The following IFIH1 variants were observed in gnomAD, a reference collection of about 807,000 sequenced individuals.
IFIH1 encodes the protein interferon induced with helicase C domain 1, also known as interferon-induced helicase C domain-containing protein 1.
Under a neutral mutation model 107.4 loss-of-function variants are expected in IFIH1, and 125 were observed. The ratio of observed to expected loss-of-function variants is 1.16; its 90% CI spans 1.01 to 1.35. IFIH1 has a LOEUF of 1.35. Ranked by LOEUF, IFIH1 falls within the 40% of genes most tolerant of loss-of-function variation. The pLI is 0.00. For missense variants in IFIH1, 1,333 were observed against 1,213.7 expected (o/e 1.10, Z -1.46); for synonymous variants, 458 against 413.2 (o/e 1.11, Z -1.31).
intron 11 of IFIH1, among the ~76,000 whole-genome samples, chr2:162,276,090 T>C (rs1450229688): frequency 6.6e-6 from 1 of 152,202 alleles, no homozygotes; most frequent in Non-Finnish European, 1.5e-5. Flanking sequence ...ATGTCACTTA[T>C]TTTTGCAAGG....
At chr2:162,287,734 T>C (rs1222582466) in intron 5 of IFIH1, among the ~76,000 whole-genome samples, 1 of 151,948 alleles carries the variant, frequency 6.6e-6, no homozygotes, top group Non-Finnish European at 1.5e-5. Context: ...AAACAATATT[T>C]GATCCTTGAT....
In IFIH1 at chr2:162,318,264, A is replaced by T; in HGVS notation, c.44T>A (p.Ile15Asn). Residue 15 changes from isoleucine to asparagine, a missense_variant, in exon 1 of 16, where the codon ATC (isoleucine) becomes AAC (asparagine). Ile to Asn is a moderately radical substitution (Grantham distance 149). Transcript: ENST00000649979. Reference protein sequence around the residue: ...YSTDENFRYLISCFRARVKMY... With the variant: ...YSTDENFRYLNSCFRARVKMY... The stretch of plus-strand genomic sequence containing the variant: ...TTTCACCCTGGCCCTGAAGCACGAG[A>T]TGAGATAGCGGAAATTCTCGTCTGT... 6.2e-7 allele frequency: 1 copy of T among 1,614,026 alleles called. No individual in the cohort carries two copies. The highest frequency in any genetic ancestry group is 8.5e-7 in the Non-Finnish European group (1 of 1,179,968).
chr2:162,309,173 TGTTTG>T lies in IFIH1; in HGVS notation c.622+1587_622+1591del, dbSNP rs1222676387. 4.6e-5 allele frequency among the ~76,000 whole-genome samples: 7 copies of T among 152,318 alleles called. No individual in the cohort carries two copies. In the South Asian group the frequency reaches 1.5e-3, roughly 32 times the overall value. ...GGCTTATAAGGCTTGAGAATAGCTC[TGTTTG>T]GTTTGATGCTCTGCCTTCCAGGTCC... On this transcript the variant is annotated intron_variant, in intron 2 of 15. Transcript: ENST00000649979.
intron 3 of IFIH1, among the ~76,000 whole-genome samples, chr2:162,300,596 C>T (rs1332418009): frequency 6.6e-6 from 1 of 152,176 alleles, no homozygotes; most frequent in East Asian, 1.9e-4. Flanking sequence ...ATCAGCATCT[C>T]TCTCTTTCTC....
chr2:162,313,670 G>A (rs1683421349), intron 1 of IFIH1, among the ~76,000 whole-genome samples: 1 of 152,054 alleles, frequency 6.6e-6, no homozygotes, highest in Non-Finnish European at 1.5e-5. Context: ...TTTTAACCCA[G>A]CAGAGTTCAA....
chr2:162,317,413 T>C (rs1162512542), intron 1 of IFIH1, among the ~76,000 whole-genome samples: 1 of 152,174 alleles, frequency 6.6e-6, no homozygotes, highest in Non-Finnish European at 1.5e-5. Flanking sequence ...TTCAACACTA[T>C]CACAAGCTAA....
At chr2:162,295,287 T>C (rs1683066570) in intron 3 of IFIH1, among the ~76,000 whole-genome samples, 1 of 151,634 alleles carries the variant, frequency 6.6e-6, no homozygotes, top group African/African-American at 2.4e-5. Flanking sequence ...GTCATATGAA[T>C]GGATTCATGC....
rs748895438 is a variant in IFIH1 at position 162,268,135 on chromosome 2, A to T, written c.2759T>A (p.Ile920Asn). 1.9e-6 allele frequency: 3 copies of T among 1,611,488 alleles called. No individual in the cohort carries two copies. In the Admixed American group the frequency reaches 5.0e-5, roughly 27 times the overall value. The change falls in exon 14 of 16, where the codon ATC becomes AAC. Residue 920 changes from isoleucine to asparagine, a missense_variant. Physicochemically the swap from Ile to Asn is moderately radical, Grantham distance 149 (BLOSUM62 -3). Transcript: ENST00000649979. The part of the protein sequence containing the change: ...CSVLACSGED[I>N]HVIEKMHHVN... Reference sequence around the variant, plus strand: ...GTGATGCATTTTCTCAATTACATGGATATCTTCCCCAGAACAGGCTAGCAC... The same window carrying T: ...GTGATGCATTTTCTCAATTACATGGTTATCTTCCCCAGAACAGGCTAGCAC...
chr2:162,284,994 T>C (rs726323), intron 5 of IFIH1, among the ~76,000 whole-genome samples: 5,205 of 152,094 alleles, frequency 0.034, 438 homozygotes, highest in Admixed American at 0.21. Context: ...AGATAGCAGA[T>C]GCTGGAAATC....
chr2:162,272,465 T>C (rs1479526294), intron 12 of IFIH1, 78 bp from the exon 13 acceptor site: 4 of 1,244,020 alleles, frequency 3.2e-6, no homozygotes, highest in Admixed American at 4.3e-5. Flanking sequence ...GGGAATGATA[T>C]TCTTGCTCAG....
At chr2:162,310,687 A>G in intron 2 of IFIH1, 78 bp downstream of exon 2, 1 of 1,208,602 alleles carries the variant, frequency 8.3e-7, no homozygotes, top group Non-Finnish European at 1.2e-6. Context: ...GGTGTTTAGC[A>G]TTGTGTCTTT....
At chr2:162,305,780 T>C (rs1683270955) in intron 3 of IFIH1, among the ~76,000 whole-genome samples, 2 of 152,206 alleles carry the variant, frequency 1.3e-5, no homozygotes, top group South Asian at 4.1e-4. Flanking sequence ...GTTGTAAGTA[T>C]TTAAAACTCA....
At chr2:162,277,752 G>T in intron 9 of IFIH1, 59 bp from the exon 10 acceptor site, 1 of 1,526,558 alleles carries the variant, frequency 6.6e-7, no homozygotes, top group East Asian at 2.3e-5. Context: ...CTAAAATTGT[G>T]CCATGGACTT....
intron 5 of IFIH1, among the ~76,000 whole-genome samples, chr2:162,286,971 G>A (rs1327844284): frequency 5.3e-5 from 8 of 151,906 alleles, no homozygotes; most frequent in East Asian, 3.9e-4. Context: ...CAAAGTACCG[G>A]TAGGTAGAAA....
intron 3 of IFIH1, among the ~76,000 whole-genome samples, chr2:162,297,649 G>T (rs1392430916): frequency 6.6e-6 from 1 of 152,092 alleles, no homozygotes; most frequent in African/African-American, 2.4e-5. Context: ...TTTTATATAG[G>T]TGTCATTTCC....
intron 1 of IFIH1, among the ~76,000 whole-genome samples, chr2:162,314,226 A>G (rs146617964): frequency 1.8e-3 from 281 of 152,332 alleles, no homozygotes; most frequent in African/African-American, 6.3e-3. Flanking sequence ...AAGGCAGTAC[A>G]GGGGTACCCC....
At chr2:162,305,381 C>A (rs1683264738) in intron 3 of IFIH1, among the ~76,000 whole-genome samples, 3 of 152,072 alleles carry the variant, frequency 2.0e-5, no homozygotes, top group Admixed American at 2.0e-4. Context: ...ACAATCCTGG[C>A]CAACATGGTG....
rs372007025 is a variant in IFIH1, at chr2:162,267,341, C to T, written c.2937G>A (p.Leu979=). The T allele has an allele frequency of 4.2e-5, 67 of 1,612,990 alleles. No homozygotes were observed. Among genetic ancestry groups the T allele is most frequent in the Non-Finnish European group, 5.5e-5 (65 of 1,179,804 alleles). Residue 979 remains leucine, a synonymous_variant, in exon 16 of 16, where the codon TTG becomes TTA. Coordinates refer to ENST00000649979, the MANE Select transcript of IFIH1 (RefSeq NM_022168.4). ...CAAAATTCCTTATTTTGAGACAAGG[C>T]AAATCTAAGCCTTTGTGCACCATCA... The part of the protein sequence containing the change: ...GTMMVHKGLD[L]PCLKIRNFVV...
chr2:162,298,735 C>T (rs1273461440), intron 3 of IFIH1, among the ~76,000 whole-genome samples: 1 of 152,102 alleles, frequency 6.6e-6, no homozygotes, highest in African/African-American at 2.4e-5. Flanking sequence ...GGAAATAGAT[C>T]ACTTTTATTT....
Sources: allele counts gnomAD v4.1 joint callset (sites outside exome capture counted in the v4.1 genomes callset), GRCh38; gene constraint gnomAD v4.1.1; transcripts MANE v1.5; gene names NCBI Gene and HGNC (gene_info 2026-07-23, HGNC 2026-07-21).